PCSK6: variants seen among roughly 807,000 people sequenced by gnomAD.
PCSK6 encodes the protein proprotein convertase subtilisin/kexin type 6.
PCSK6 carries 85 observed loss-of-function variants against 123.3 expected under a neutral mutation model. The ratio of observed to expected loss-of-function variants is 0.69; its 90% CI spans 0.58 to 0.83. The LOEUF is 0.83. Ranked by LOEUF, PCSK6 falls within the 40% of genes least tolerant of loss-of-function variation. The pLI is 0.00. For missense variants in PCSK6, 1,191 were observed against 1,282.3 expected (o/e 0.93, Z 1.09); for synonymous variants, 508 against 516.0 (o/e 0.98, Z 0.21).
intron 20 of PCSK6, among the ~76,000 whole-genome samples, chr15:101,311,254 G>A (rs2039854916): frequency 6.6e-6 from 1 of 151,448 alleles, no homozygotes; most frequent in South Asian, 2.1e-4. Flanking sequence ...GGGATTACAG[G>A]CACACACTAC....
chr15:101,377,977 A>G (rs1380636080), intron 11 of PCSK6, among the ~76,000 whole-genome samples: 3 of 152,226 alleles, frequency 2.0e-5, no homozygotes, highest in African/African-American at 7.2e-5. Context: ...GAGTGTCCCC[A>G]GCACTGAGGT....
rs754708526 is a variant in PCSK6 at position 101,339,861 on chromosome 15, T to C, written c.1859-7830A>G. Among the ~76,000 whole-genome samples the C allele has an allele frequency of 3.3e-5, 5 of 151,946 alleles. No homozygotes were observed. In the East Asian group the frequency reaches 9.7e-4, roughly 29 times the overall value. The stretch of plus-strand genomic sequence containing the variant: ...AAGAGTTGGAGGCTGCAGTGAGCCG[T>C]GATTGCACACTACATTCCAGCCTGG... On this transcript the variant is annotated intron_variant, in intron 13 of 21. Coordinates refer to ENST00000611716, the MANE Select transcript of PCSK6 (RefSeq NM_002570.5).
intron 6 of PCSK6, among the ~76,000 whole-genome samples, chr15:101,401,878 C>G (rs1205171853): frequency 6.6e-6 from 1 of 152,040 alleles, no homozygotes; most frequent in African/African-American, 2.4e-5. Flanking sequence ...CCATCCCCAT[C>G]AAGCTACCAA....
intron 13 of PCSK6, among the ~76,000 whole-genome samples, chr15:101,338,410 G>A (rs536182923): frequency 8.9e-4 from 136 of 152,298 alleles, no homozygotes; most frequent in Non-Finnish European, 1.2e-3. Flanking sequence ...CCCCAGGCCG[G>A]CCCCTCCACA....
At chr15:101,386,484 G>A (rs1024171859) in intron 9 of PCSK6, among the ~76,000 whole-genome samples, 1 of 152,176 alleles carries the variant, frequency 6.6e-6, no homozygotes, top group Non-Finnish European at 1.5e-5. Context: ...CCTCCAGACT[G>A]AAACTCTGTC....
chr15:101,476,080 G>C (rs1006212157), intron 1 of PCSK6, among the ~76,000 whole-genome samples: 1 of 152,180 alleles, frequency 6.6e-6, no homozygotes, highest in Non-Finnish European at 1.5e-5. Context: ...CCTACAAGTT[G>C]TGTAACTGGG....
intron 11 of PCSK6, among the ~76,000 whole-genome samples, chr15:101,372,542 T>G (rs1596249929): frequency 6.6e-6 from 1 of 152,266 alleles, no homozygotes; most frequent in African/African-American, 2.4e-5. Flanking sequence ...CCCGCTGCGG[T>G]AGATGGCGAA....
chr15:101,313,024 C>T (rs2039903457), intron 20 of PCSK6: 1 of 1,176,270 alleles, frequency 8.5e-7, no homozygotes, highest in African/African-American at 1.6e-5. Context: ...TTTTTTTTAA[C>T]CCAAAACATG....
rs915526991 is a variant in PCSK6 at position 101,443,976 on chromosome 15, A to G, written c.298-316T>C. Among the ~76,000 whole-genome samples, 9 of 152,242 alleles carry G rather than the reference A, an allele frequency of 5.9e-5. 1 individual carries two copies. The highest frequency in any genetic ancestry group is 1.3e-4 in the Non-Finnish European group (9 of 68,044). On this transcript the variant is annotated intron_variant, in intron 1 of 21. Coordinates refer to ENST00000611716, the MANE Select transcript of PCSK6 (RefSeq NM_002570.5). ...GGCCAAGTTTTTTAGACAGAAATGA[A>G]TGTTCGTTTAGGGCCAAGAATCCCT...
intron 6 of PCSK6, among the ~76,000 whole-genome samples, chr15:101,399,728 T>C (rs760006171): frequency 2.4e-4 from 37 of 152,094 alleles, no homozygotes; most frequent in Non-Finnish European, 4.7e-4. Flanking sequence ...TTCTAGTAGA[T>C]ACAGAAAGTC....
chr15:101,344,817 G>A (rs117645387), intron 13 of PCSK6, among the ~76,000 whole-genome samples: 6,482 of 151,966 alleles, frequency 0.043, 234 homozygotes, highest in Non-Finnish European at 0.059. Flanking sequence ...CACCACATGC[G>A]GCTAATTTTT....
At chr15:101,325,628 C>T (rs543596732) in intron 16 of PCSK6, among the ~76,000 whole-genome samples, 4 of 152,324 alleles carry the variant, frequency 2.6e-5, no homozygotes, top group East Asian at 1.9e-4. Context: ...CTGGCACATG[C>T]GGGGCATAAT....
intron 1 of PCSK6, among the ~76,000 whole-genome samples, chr15:101,457,532 G>T (rs943451184): frequency 6.6e-6 from 1 of 152,238 alleles, no homozygotes; most frequent in East Asian, 1.9e-4. Flanking sequence ...CTCCCTTTGT[G>T]GGGGGAAGTG....
At chr15:101,472,032 A>G (rs555719586) in intron 1 of PCSK6, among the ~76,000 whole-genome samples, 59 of 64,090 alleles carry the variant, frequency 9.2e-4, no homozygotes, top group African/African-American at 2.5e-3. Context: ...CGAAATTGTG[A>G]TAAAAAAAAG....
intron 1 of PCSK6, among the ~76,000 whole-genome samples, chr15:101,476,128 A>C (rs970143826): frequency 6.6e-6 from 1 of 152,210 alleles, no homozygotes; most frequent in African/African-American, 2.4e-5. Flanking sequence ...TTGTTTCCAC[A>C]TCTGTAAAAT....
chr15:101,332,105 C>T (rs2040383848), intron 13 of PCSK6, 74 bp from the exon 14 acceptor site: 4 of 1,333,846 alleles, frequency 3.0e-6, no homozygotes, highest in South Asian at 1.5e-5. Context: ...AAGCCAGATG[C>T]TGCCTGGCTC....
At chr15:101,344,812 C>T (rs1462721786) in intron 13 of PCSK6, among the ~76,000 whole-genome samples, 1 of 152,112 alleles carries the variant, frequency 6.6e-6, no homozygotes, top group African/African-American at 2.4e-5. Context: ...CACACCACCA[C>T]ATGCGGCTAA....
At chr15:101,385,098 C>A (rs1052315002) in intron 9 of PCSK6, among the ~76,000 whole-genome samples, 1 of 152,104 alleles carries the variant, frequency 6.6e-6, no homozygotes, top group African/African-American at 2.4e-5. Flanking sequence ...CTCACTGCAA[C>A]CCCGACCTCC....
chr15:101,415,087 T>G (rs1003177095), intron 6 of PCSK6, among the ~76,000 whole-genome samples: 1 of 152,252 alleles, frequency 6.6e-6, no homozygotes, highest in Non-Finnish European at 1.5e-5. Context: ...TACCTTGTAA[T>G]GTACCTTGTA....
Sources: allele counts gnomAD v4.1 joint callset (sites outside exome capture counted in the v4.1 genomes callset), GRCh38; gene constraint gnomAD v4.1.1; transcripts MANE v1.5; gene names NCBI Gene and HGNC (gene_info 2026-07-23, HGNC 2026-07-21).